Variants in POR observed in about 807,000 individuals in gnomAD.
POR encodes the protein NADPH--cytochrome P450 reductase.
A neutral mutation model predicts 84.0 loss-of-function variants in POR; 56 were observed. The ratio of observed to expected loss-of-function variants is 0.67; its 90% CI spans 0.54 to 0.83. POR has a LOEUF of 0.83. POR is among the 40% of genes least tolerant of loss of function. The pLI, the probability that POR is intolerant of heterozygous loss-of-function variation, is 0.00. For missense variants in POR, 938 were observed against 944.3 expected (o/e 0.99, Z 0.09); for synonymous variants, 414 against 400.5 (o/e 1.03, Z -0.40).
intron 1 of POR, among the ~76,000 whole-genome samples, chr7:75,919,382 C>CGTGCGTGTGTGT (rs147421179): frequency 1.4e-5 from 2 of 146,432 alleles, no homozygotes; most frequent in African/African-American, 5.0e-5. Flanking sequence ...TCTGTGCGTG[C>CGTGCGTGTGTGT]GTGTGTGTGT....
At chr7:75,952,883 A>G (rs373003157) in intron 1 of POR, among the ~76,000 whole-genome samples, 11,873 of 136,228 alleles carry the variant, frequency 0.087, 1,382 homozygotes, top group African/African-American at 0.28. Flanking sequence ...GACGATGGGC[A>G]GCCAGGCAGA....
Position 75,980,190 on chromosome 7 carries a change from T to C in POR, c.367-149T>C, listed in dbSNP as rs377197270. The stretch of plus-strand genomic sequence containing the variant: ...AAATGCCCATGCCCCAGCCCCTCCG[T>C]GTTGTTACTTCTCTCTGATCCCACG... On this transcript the variant is annotated intron_variant, in intron 4 of 15. Transcript: ENST00000461988. 891 of 922,454 alleles carry C rather than the reference T, an allele frequency of 9.7e-4. 13 individuals carry two copies. The highest frequency in any genetic ancestry group is 7.0e-3 in the South Asian group (404 of 57,686). 57.1% of individuals were successfully genotyped at this position (922,454 alleles called of 1,614,324 possible).
chr7:75,981,828 C>G (rs1372020815), intron 7 of POR: 5 of 589,506 alleles, frequency 8.5e-6, no homozygotes, highest in Non-Finnish European at 1.2e-5. Flanking sequence ...AAGGACACAT[C>G]GCGTCGGGCT....
rs781936751 is a variant in POR, at chr7:75,983,656, C to G, written c.947+20C>G. ...AATCAGGTACCAGCTGCCACTGTCA[C>G]CCCCTGAACCCTCACTCTGGGCCTC... On this transcript the variant is annotated intron_variant, in intron 9 of 15. Transcript: ENST00000461988. 6.2e-7 allele frequency: 1 copy of G among 1,609,210 alleles called. No homozygotes were observed. The highest frequency in any genetic ancestry group is 1.3e-5 in the African/African-American group (1 of 74,816).
At chr7:75,978,167 G>A (rs1022847423) in intron 3 of POR, among the ~76,000 whole-genome samples, 3 of 151,992 alleles carry the variant, frequency 2.0e-5, no homozygotes, top group Admixed American at 1.3e-4. Flanking sequence ...TGTGCCTGTG[G>A]GTATAGAAAG....
chr7:75,936,086 CTTTTTTTT>C (rs869164954), intron 1 of POR, among the ~76,000 whole-genome samples: 2 of 99,774 alleles, frequency 2.0e-5, no homozygotes, highest in African/African-American at 4.2e-5. Context: ...TTCTTTCTTT[CTTTTTTTT>C]TTTTTTTTTT....
chr7:75,954,225 A>G (rs782445925), intron 2 of POR, 45 bp downstream of exon 2: 1 of 1,539,320 alleles, frequency 6.5e-7, no homozygotes, highest in Non-Finnish European at 8.9e-7. Context: ...CTCTTCTGTC[A>G]CCACTCCAAG....
rs782143954 is a variant in POR at position 75,986,412 on chromosome 7, C to T, written c.1974C>T (p.His658=). Residue 658 remains histidine (H), a synonymous_variant, in exon 16 of 16, where the codon CAC becomes CAT. Coordinates refer to ENST00000461988, the MANE Select transcript of POR (RefSeq NM_000941.3). Reference sequence around the variant, plus strand: ...TGGCTGAGCTCGGGGCCATGGAGCACGCGCAGGCGGTGGACTACATCAAGA... The same window carrying T: ...TGGCTGAGCTCGGGGCCATGGAGCATGCGCAGGCGGTGGACTACATCAAGA... 2.1e-5 allele frequency: 34 copies of T among 1,612,438 alleles called. No homozygotes were observed. Among genetic ancestry groups the T allele is most frequent in the East Asian group, 1.6e-4 (7 of 44,886 alleles).
chr7:75,933,451 C>T (rs1036266146), intron 1 of POR, among the ~76,000 whole-genome samples: 7 of 140,782 alleles, frequency 5.0e-5, no homozygotes, highest in African/African-American at 1.3e-4. Flanking sequence ...TGCAATGGCG[C>T]GATCTCGGCT....
At chr7:75,951,440 C>T (rs1000760602) in intron 1 of POR, among the ~76,000 whole-genome samples, 2 of 152,088 alleles carry the variant, frequency 1.3e-5, no homozygotes, top group Non-Finnish European at 2.9e-5. Context: ...TTGAGATGAA[C>T]TCAAGCCATT....
At chr7:75,984,020 G>T (rs1379172706) in intron 10 of POR, among the ~76,000 whole-genome samples, 164 bp downstream of exon 10, 3 of 152,190 alleles carry the variant, frequency 2.0e-5, no homozygotes, top group African/African-American at 7.2e-5. Flanking sequence ...ACGGGAGGCG[G>T]GGTGGCCCTA....
intron 12 of POR, 78 bp downstream of exon 12, chr7:75,985,285 C>G: frequency 2.1e-6 from 3 of 1,450,508 alleles, no homozygotes; most frequent in Non-Finnish European, 1.8e-6. Context: ...CAAGGCGGCA[C>G]AGGAGCTCCG....
intron 5 of POR, 74 bp from the exon 6 acceptor site, chr7:75,980,974 C>G (rs551846082): frequency 1.4e-6 from 2 of 1,465,508 alleles, no homozygotes; most frequent in South Asian, 2.7e-5. Flanking sequence ...TGGGGCCTCC[C>G]GCCCTGCCCC....
chr7:75,941,438 C>G (rs1807975130), intron 1 of POR, among the ~76,000 whole-genome samples: 1 of 152,136 alleles, frequency 6.6e-6, no homozygotes, highest in South Asian at 2.1e-4. Flanking sequence ...GAGAAGAAAC[C>G]TGAGTCCTGG....
At chr7:75,947,942 T>C (rs782813659) in intron 1 of POR, among the ~76,000 whole-genome samples, 2 of 152,032 alleles carry the variant, frequency 1.3e-5, no homozygotes, top group Non-Finnish European at 2.9e-5. Context: ...AGGGGCTCAT[T>C]TGTGGCCTCA....
At chr7:75,941,051 C>T (rs1323054866) in intron 1 of POR, among the ~76,000 whole-genome samples, 1 of 152,272 alleles carries the variant, frequency 6.6e-6, no homozygotes, top group East Asian at 1.9e-4. Context: ...TACCTATAGT[C>T]TCAGCTACTT....
intron 3 of POR, among the ~76,000 whole-genome samples, chr7:75,973,374 C>T (rs1018379460): frequency 4.6e-5 from 7 of 152,060 alleles, no homozygotes; most frequent in Non-Finnish European, 7.4e-5. Context: ...AGTGCAGCGG[C>T]GCCATCATAG....
chr7:75,922,003 G>A (rs1016367661), intron 1 of POR, among the ~76,000 whole-genome samples: 2 of 152,254 alleles, frequency 1.3e-5, no homozygotes, highest in South Asian at 2.1e-4. Context: ...CACTGTGCCC[G>A]GTCACTGTCA....
chr7:75,954,320 C>A, intron 2 of POR, 140 bp downstream of exon 2: 2 of 841,064 alleles, frequency 2.4e-6, no homozygotes, highest in Non-Finnish European at 3.7e-6. Flanking sequence ...TGCCTTCTTG[C>A]TAGATTGTGC....
Sources: allele counts gnomAD v4.1 joint callset (sites outside exome capture counted in the v4.1 genomes callset), GRCh38; gene constraint gnomAD v4.1.1; transcripts MANE v1.5; gene names NCBI Gene and HGNC (gene_info 2026-07-23, HGNC 2026-07-21).